MROH1: variants seen among roughly 807,000 people sequenced by gnomAD.
MROH1 encodes the protein maestro heat like repeat family member 1, also known as maestro heat-like repeat-containing protein family member 1.
Under a neutral mutation model 116.5 loss-of-function variants are expected in MROH1, and 117 were observed. That is an observed-to-expected ratio of 1.00 (90% CI 0.86 to 1.17). The LOEUF (loss-of-function observed/expected upper bound fraction) is 1.17. MROH1 is among the 50% of genes most tolerant of loss of function. The pLI is 0.00. For missense variants in MROH1, 1,873 were observed against 1,338.5 expected (o/e 1.40, Z -6.23); for synonymous variants, 921 against 583.9 (o/e 1.58, Z -8.32).
chr8:144,150,445 G>A (rs1816441062), intron 1 of MROH1, among the ~76,000 whole-genome samples: 1 of 152,160 alleles, frequency 6.6e-6, no homozygotes, highest in African/African-American at 2.4e-5. Flanking sequence ...GAGGGCATCT[G>A]TAGATAGATG....
chr8:144,255,759 C>T (rs1042486639), intron 35 of MROH1, 54 bp downstream of exon 35: 185 of 707,570 alleles, frequency 2.6e-4, no homozygotes, highest in South Asian at 6.7e-4. Flanking sequence ...CACAGGCATG[C>T]GTGTGCACGC....
intron 24 of MROH1, 54 bp from the exon 25 acceptor site, chr8:144,243,440 G>C: frequency 1.3e-6 from 1 of 773,768 alleles, no homozygotes; most frequent in South Asian, 1.3e-5. Context: ...GTATGCGCGG[G>C]TTCAGCCCTG....
At chr8:144,246,778 C>T (rs960171646) in intron 29 of MROH1, among the ~76,000 whole-genome samples, 14 of 152,138 alleles carry the variant, frequency 9.2e-5, no homozygotes, top group Admixed American at 2.6e-4. Flanking sequence ...GGGACAGGTG[C>T]GTCTGCCAGG....
chr8:144,191,145 C>T (rs564891088), intron 8 of MROH1, among the ~76,000 whole-genome samples: 1 of 152,344 alleles, frequency 6.6e-6, no homozygotes, highest in East Asian at 1.9e-4. Flanking sequence ...CCTTGGCTCA[C>T]TGCAGCCTCC....
rs763616825 is a variant in MROH1 at position 144,180,134 on chromosome 8, C to A, written c.301-44C>A. The A allele has an allele frequency of 6.8e-6, 11 of 1,610,260 alleles. No homozygotes were observed. In the South Asian group the frequency reaches 1.2e-4, roughly 18 times the overall value. ...CTGGCAGCGACTGAGGGCAGAATGT[C>A]TTGGTCTTGCCTTTTGGTCTACCTG... On this transcript the variant is annotated intron_variant, in intron 5 of 43. Coordinates refer to ENST00000326134, the MANE Select transcript of MROH1 (RefSeq NM_032450.3). The surrounding 1 kb of genome is among the most constrained non-coding windows in gnomAD (Gnocchi z 7.4).
At chr8:144,157,676 T>C (rs1818478757) in intron 1 of MROH1, among the ~76,000 whole-genome samples, 2 of 147,242 alleles carry the variant, frequency 1.4e-5, no homozygotes, top group Non-Finnish European at 3.0e-5. Context: ...TTTCTTTCTT[T>C]CTTTTTTTTT....
chr8:144,254,947 C>T lies in MROH1; in HGVS notation c.3563C>T (p.Pro1188Leu), dbSNP rs996518002. 1 of 773,746 alleles carries T rather than the reference C, an allele frequency of 1.3e-6. No individual in the cohort carries two copies. Among genetic ancestry groups the T allele is most frequent in the Admixed American group, 1.7e-5 (1 of 58,420 alleles). The allele number at this position is 773,746 out of a possible 1,614,324, so 47.9% of individuals were successfully genotyped here. ...ESRAFLLGRTPDRVATLLPLS... is the reference protein window; with the variant it reads ...ESRAFLLGRTLDRVATLLPLS... Reference sequence around the variant, plus strand: ...CGGGCCTTCCTGCTGGGCCGCACCCCAGACCGCGTGGCCACGCTGCTGCCT... The same window carrying T: ...CGGGCCTTCCTGCTGGGCCGCACCCTAGACCGCGTGGCCACGCTGCTGCCT... The change falls in exon 34 of 44, where the codon CCA becomes CTA. Residue 1188 changes from proline to leucine, a missense_variant. Pro to Leu is a moderately conservative substitution (Grantham distance 98). Coordinates refer to ENST00000326134, the MANE Select transcript of MROH1 (RefSeq NM_032450.3).
At chr8:144,217,309 T>A (rs1464970448) in intron 12 of MROH1, among the ~76,000 whole-genome samples, 2 of 152,206 alleles carry the variant, frequency 1.3e-5, no homozygotes, top group Non-Finnish European at 2.9e-5. Context: ...CACAAAATTT[T>A]AGAAATCCTG....
chr8:144,218,127 C>T (rs545678950), intron 12 of MROH1, among the ~76,000 whole-genome samples: 8 of 152,286 alleles, frequency 5.3e-5, no homozygotes, highest in African/African-American at 1.4e-4. Context: ...GCCAGCGCCC[C>T]GTCAGCCCCT....
rs956513507 is a variant in MROH1, at chr8:144,261,365, C to T, written c.4840+16C>T. On this transcript the variant is annotated intron_variant, in intron 43 of 43. Coordinates refer to ENST00000326134, the MANE Select transcript of MROH1 (RefSeq NM_032450.3). ...CTCATTGCGGGTGAGCACCCCTCCACGGGGCCCCTCCGCTGGGCCCTGCTG... is the reference window on the plus strand; with the variant it reads ...CTCATTGCGGGTGAGCACCCCTCCATGGGGCCCCTCCGCTGGGCCCTGCTG... 4.6e-5 allele frequency: 32 copies of T among 702,240 alleles called. No homozygotes were observed. Among genetic ancestry groups the T allele is most frequent in the Non-Finnish European group, 7.3e-5 (28 of 385,954 alleles). The allele number at this position is 702,240 out of a possible 1,614,324, so 43.5% of individuals were successfully genotyped here. A position where few individuals can be genotyped will look rare whatever the true frequency, so the allele number is the denominator to read the frequency against.
intron 1 of MROH1, among the ~76,000 whole-genome samples, chr8:144,151,024 G>T (rs1233791086): frequency 6.6e-6 from 1 of 152,076 alleles, no homozygotes; most frequent in Non-Finnish European, 1.5e-5. Flanking sequence ...CAGGCAGGCG[G>T]ATCACTTGAG....
chr8:144,164,232 C>G (rs1173550135), intron 3 of MROH1, among the ~76,000 whole-genome samples: 1 of 151,552 alleles, frequency 6.6e-6, no homozygotes, highest in Non-Finnish European at 1.5e-5. Context: ...TGGTGAAACC[C>G]CGTCTCTCCT....
intron 1 of MROH1, chr8:144,148,963 G>C (rs1260655001): frequency 6.6e-6 from 1 of 152,602 alleles, no homozygotes; most frequent in Non-Finnish European, 1.5e-5. Flanking sequence ...CTGTAGGCAG[G>C]GACCACTTTG....
Position 144,244,559 on chromosome 8 carries a change from CATGGGGATGGGG to C in MROH1, c.2766+27_2766+38del, listed in dbSNP as rs1291839450. On this transcript the variant is annotated intron_variant, in intron 28 of 43. Coordinates refer to ENST00000326134, the MANE Select transcript of MROH1 (RefSeq NM_032450.3). ...ATTGAGGTGTGCAGGGGGGAACTGT[CATGGGGATGGGG>C]ATGGGGGCACAGAGGGCACTCCACC... 2 of 732,722 alleles carry C rather than the reference CATGGGGATGGGG, an allele frequency of 2.7e-6. No homozygotes were observed. Among genetic ancestry groups the C allele is most frequent in the Admixed American group, 3.8e-5 (2 of 52,732 alleles). 45.4% of individuals were successfully genotyped at this position (732,722 alleles called of 1,614,324 possible). A position where few individuals can be genotyped will look rare whatever the true frequency, so the allele number is the denominator to read the frequency against.
chr8:144,174,479 C>CT lies in MROH1; in HGVS notation c.169-4959dup, dbSNP rs200035855. On this transcript the variant is annotated intron_variant, in intron 4 of 43. Coordinates refer to ENST00000326134, the MANE Select transcript of MROH1 (RefSeq NM_032450.3). Reference sequence around the variant, plus strand: ...CCCTGGAACACAAGTAATACATAACCTTTTTTTTTTTTTTTTTAAATTCAG... The same window carrying CT: ...CCCTGGAACACAAGTAATACATAACCTTTTTTTTTTTTTTTTTTAAATTCAG... Among the ~76,000 whole-genome samples, 492 of 147,340 alleles carry CT rather than the reference C, an allele frequency of 3.3e-3. 2 individuals are homozygous for CT. The highest frequency in any genetic ancestry group is 7.0e-3 in the East Asian group (35 of 5,018).
At chr8:144,202,378 C>T (rs1429343059) in intron 12 of MROH1, among the ~76,000 whole-genome samples, 1 of 147,652 alleles carries the variant, frequency 6.8e-6, no homozygotes. Flanking sequence ...GAGGGAAGCG[C>T]AGGCTCTCTG....
chr8:144,199,415 G>T (rs559204837), intron 11 of MROH1, among the ~76,000 whole-genome samples: 82 of 152,254 alleles, frequency 5.4e-4, no homozygotes, highest in Admixed American at 3.1e-3. Flanking sequence ...TCCGAGGAGC[G>T]TGCTGCTGAC....
At chr8:144,159,289 C>A (rs1368699746) in intron 1 of MROH1, among the ~76,000 whole-genome samples, 1 of 152,098 alleles carries the variant, frequency 6.6e-6, no homozygotes, top group Non-Finnish European at 1.5e-5. Flanking sequence ...ACCCGGAAGG[C>A]GGAGGTTGTA....
intron 3 of MROH1, among the ~76,000 whole-genome samples, chr8:144,165,824 C>G (rs374215694): frequency 6.7e-6 from 1 of 149,132 alleles, no homozygotes; most frequent in African/African-American, 2.5e-5. Context: ...CTTAAGTGAT[C>G]GGCCTCCCAA....
Sources: allele counts gnomAD v4.1 joint callset (sites outside exome capture counted in the v4.1 genomes callset), GRCh38; gene constraint gnomAD v4.1.1; non-coding constraint Gnocchi (gnomAD v3.1); transcripts MANE v1.5; gene names NCBI Gene and HGNC (gene_info 2026-07-23, HGNC 2026-07-21).